Variants in GFOD2 observed in about 807,000 individuals in gnomAD.
The protein encoded by GFOD2 is glucose-fructose oxidoreductase domain-containing protein 2.
A neutral mutation model predicts 24.6 loss-of-function variants in GFOD2; 9 were observed. That is an observed-to-expected ratio of 0.37 (90% CI 0.22 to 0.64). GFOD2 has a LOEUF of 0.64. Among genes scored for constraint, GFOD2 ranks in the 30% least tolerant of loss-of-function variants. The probability of loss-of-function intolerance (pLI) is 0.65; values close to 1 mark genes in which losing one functional copy is unlikely to be tolerated. For missense variants in GFOD2, 476 were observed against 532.5 expected (o/e 0.89, Z 1.04); for synonymous variants, 211 against 224.8 (o/e 0.94, Z 0.55).
chr16:67,677,135 C>T (rs772150830), intron 2 of GFOD2: 1 of 152,142 alleles, frequency 6.6e-6, no homozygotes, highest in African/African-American at 2.4e-5. Context: ...AATAGCTTCT[C>T]GGAATAAAAG....
intron 2 of GFOD2, chr16:67,683,499 A>T (rs1480930826): frequency 4.9e-6 from 6 of 1,231,628 alleles, no homozygotes. Flanking sequence ...TCTGAATTCA[A>T]TCTGGGAGCC....
At chr16:67,691,326 G>A (rs1435002997) in intron 1 of GFOD2, among the ~76,000 whole-genome samples, 2 of 152,072 alleles carry the variant, frequency 1.3e-5, no homozygotes, top group African/African-American at 4.8e-5. Context: ...TCCCACCTCA[G>A]CCTCCTGAGT....
At chr16:67,705,952 A>G (rs1175295001) in intron 1 of GFOD2, among the ~76,000 whole-genome samples, 1 of 148,008 alleles carries the variant, frequency 6.8e-6, no homozygotes, top group African/African-American at 2.5e-5. Context: ...AAAAAAAAAA[A>G]GTGCCTGTTA....
intron 2 of GFOD2, 114 bp downstream of exon 2, chr16:67,685,343 T>C: frequency 6.5e-7 from 1 of 1,527,028 alleles, no homozygotes; most frequent in South Asian, 1.3e-5. Context: ...CCCAGAGTTC[T>C]CCTCCCTGCA....
chr16:67,701,111 T>G (rs2053399847), intron 1 of GFOD2, among the ~76,000 whole-genome samples: 1 of 151,816 alleles, frequency 6.6e-6, no homozygotes, highest in South Asian at 2.1e-4. Context: ...TCAGAAAACC[T>G]GATATCAAAT....
At chr16:67,711,670 T>G (rs2053474760) in intron 1 of GFOD2, among the ~76,000 whole-genome samples, 1 of 152,240 alleles carries the variant, frequency 6.6e-6, no homozygotes, top group Non-Finnish European at 1.5e-5. Context: ...ACTAAACTCC[T>G]GATGTTTCTC....
chr16:67,685,265 T>C (rs904964245), intron 2 of GFOD2, 192 bp downstream of exon 2: 2 of 1,433,984 alleles, frequency 1.4e-6, no homozygotes, highest in Admixed American at 2.8e-5. Context: ...GATTTACAGA[T>C]GGGAGGTAGG....
intron 2 of GFOD2, among the ~76,000 whole-genome samples, chr16:67,678,761 G>C (rs1597790169): frequency 1.3e-5 from 2 of 152,324 alleles, no homozygotes; most frequent in South Asian, 4.1e-4. Flanking sequence ...AGCAGTATAT[G>C]TAAAGTACCT....
chr16:67,692,016 G>GTA (rs2053317726), intron 1 of GFOD2, among the ~76,000 whole-genome samples: 1 of 151,372 alleles, frequency 6.6e-6, no homozygotes, highest in South Asian at 2.1e-4. Context: ...AATTCTACTC[G>GTA]TGTGTGTGTG....
chr16:67,674,942 C>A lies in GFOD2; in HGVS notation c.*213G>T. On this transcript the variant is annotated 3_prime_UTR_variant, in exon 3 of 3. Transcript: ENST00000268797. ...GGCGGCAGCTCTGCCCTGTGCACAC[C>A]GTGGTAACCTGGCAACAGGAACATT... is the stretch of plus-strand genomic sequence containing the variant. The A allele has an allele frequency of 1.7e-6, 1 of 594,014 alleles. No homozygotes were observed. Among genetic ancestry groups the A allele is most frequent in the East Asian group, 2.8e-5 (1 of 35,108 alleles). 36.8% of individuals were successfully genotyped at this position (594,014 alleles called of 1,614,324 possible).
chr16:67,699,776 G>A (rs1479896551), intron 1 of GFOD2, among the ~76,000 whole-genome samples: 3 of 150,640 alleles, frequency 2.0e-5, no homozygotes, highest in African/African-American at 4.9e-5. Flanking sequence ...AAGCCACCGC[G>A]CCCAGCCTGG....
rs1000324324 is a variant in GFOD2, at chr16:67,706,235, C to T, written c.-88+12928G>A. Among the ~76,000 whole-genome samples the T allele has an allele frequency of 4.6e-5, 7 of 151,980 alleles. No individual in the cohort carries two copies. The East Asian group carries it at 1.4e-3, about 29-fold the overall frequency. ...TGTGAGATCTGCCTGCCTCGGCCTC[C>T]CAAAGTGCTGGGATTACAGGTGTGA... On this transcript the variant is annotated intron_variant, in intron 1 of 2. Transcript: ENST00000268797.
At chr16:67,684,289 C>G (rs2053249189) in intron 2 of GFOD2, 1 of 152,308 alleles carries the variant, frequency 6.6e-6, no homozygotes, top group Non-Finnish European at 1.5e-5. Context: ...AGGAGTATCG[C>G]TTGAACCTGG....
At chr16:67,680,753 TA>T (rs2053218880) in intron 2 of GFOD2, 3 of 967,802 alleles carry the variant, frequency 3.1e-6, no homozygotes, top group South Asian at 4.8e-5. Context: ...TTTATTTATT[TA>T]TTTTTTTAAT....
In GFOD2 at chr16:67,710,807, C is replaced by T. The variant is rs550838144; in HGVS notation, c.-88+8356G>A. Among the ~76,000 whole-genome samples the T allele has an allele frequency of 6.2e-4, 95 of 152,292 alleles. 1 individual carries two copies. The highest frequency in any genetic ancestry group is 9.6e-4 in the Non-Finnish European group (65 of 68,026). On this transcript the variant is annotated intron_variant, in intron 1 of 2. Transcript: ENST00000268797. ...TTTCTATCCACTGACCCCTACCCTG[C>T]TCCTTGACTATCAATCCCCACTTGC...
rs147967797 is a variant in GFOD2 at position 67,695,032 on chromosome 16, G to A, written c.-87-9230C>T. On this transcript the variant is annotated intron_variant, in intron 1 of 2. Coordinates refer to ENST00000268797, the MANE Select transcript of GFOD2 (RefSeq NM_030819.4). ...TTTTGAGACGGAGTCTCACTCTGTC[G>A]CCTAGGCTGGAGCGTAATGGTGCAA... 4.8e-3 allele frequency among the ~76,000 whole-genome samples: 603 copies of A among 126,090 alleles called. 2 individuals carry two copies. Among genetic ancestry groups the A allele is most frequent in the African/African-American group, 0.017 (579 of 33,530 alleles). 82.7% of individuals were successfully genotyped at this position (126,090 alleles called of 152,430 possible). A position where few individuals can be genotyped will look rare whatever the true frequency, so the allele number is the denominator to read the frequency against.
chr16:67,690,668 T>C (rs1245003197), intron 1 of GFOD2, among the ~76,000 whole-genome samples: 1 of 152,200 alleles, frequency 6.6e-6, no homozygotes, highest in Non-Finnish European at 1.5e-5. Flanking sequence ...TTTGGAGTCA[T>C]AACAAAATGT....
chr16:67,685,341 TCTC>T (rs1185484963), intron 2 of GFOD2, 113 bp downstream of exon 2: 2 of 1,523,702 alleles, frequency 1.3e-6, no homozygotes, highest in East Asian at 4.7e-5. Flanking sequence ...GTCCCAGAGT[TCTC>T]CTCCCTGCAG....
intron 1 of GFOD2, among the ~76,000 whole-genome samples, chr16:67,703,178 C>T (rs1011137726): frequency 1.2e-4 from 18 of 151,882 alleles, no homozygotes; most frequent in Admixed American, 3.9e-4. Context: ...CTGAGGCGGG[C>T]GGATCACCTG....
Sources: allele counts gnomAD v4.1 joint callset (sites outside exome capture counted in the v4.1 genomes callset), GRCh38; gene constraint gnomAD v4.1.1; transcripts MANE v1.5; gene names NCBI Gene and HGNC (gene_info 2026-07-23, HGNC 2026-07-21).